NAALADL2: variants seen among roughly 807,000 people sequenced by gnomAD.
NAALADL2 encodes inactive N-acetylated-alpha-linked acidic dipeptidase-like protein 2.
Under a neutral mutation model 87.2 loss-of-function variants are expected in NAALADL2, and 76 were observed. The observed-to-expected ratio is 0.87, with a 90% confidence interval of 0.72 to 1.05. The LOEUF (loss-of-function observed/expected upper bound fraction) is 1.05. Ranked by LOEUF, NAALADL2 falls within the 50% of genes least tolerant of loss-of-function variation. The pLI is 0.00. For synonymous variants in NAALADL2, 354 were observed against 331.0 expected, an observed-to-expected ratio of 1.07 and a Z score of -0.75; for missense variants, 1,089 against 945.8, an observed-to-expected ratio of 1.15 and a Z score of -1.99.
At chr3:174,671,982 G>A (rs933713355) in intron 2 of NAALADL2, among the ~76,000 whole-genome samples, 1 of 151,948 alleles carries the variant, frequency 6.6e-6, no homozygotes, top group Non-Finnish European at 1.5e-5. Flanking sequence ...TGATGGCATT[G>A]TTTCAAGTTG....
chr3:174,809,294 C>T (rs1351937189), intron 3 of NAALADL2, among the ~76,000 whole-genome samples: 1 of 152,064 alleles, frequency 6.6e-6, no homozygotes, highest in African/African-American at 2.4e-5. Context: ...GTTGTTAGAA[C>T]GTAGCAGGAG....
At chr3:174,744,669 T>C (rs758683920) in intron 3 of NAALADL2, among the ~76,000 whole-genome samples, 49 of 151,960 alleles carry the variant, frequency 3.2e-4, no homozygotes, top group Non-Finnish European at 5.9e-4. Flanking sequence ...CCACATGGCA[T>C]GTTCTCTAAA....
chr3:175,597,649 G>A (rs1185567984), intron 10 of NAALADL2, among the ~76,000 whole-genome samples: 1 of 151,860 alleles, frequency 6.6e-6, no homozygotes. Flanking sequence ...CCTCTGCTTT[G>A]AAGGGTGTTT....
intron 2 of NAALADL2, among the ~76,000 whole-genome samples, chr3:174,642,681 GT>G (rs1240662600): frequency 6.7e-6 from 1 of 148,854 alleles, no homozygotes; most frequent in Non-Finnish European, 1.5e-5. Context: ...TTGGTTGCTT[GT>G]TTCAAGTAAA....
At chr3:175,160,331 A>T (rs1455672562) in intron 2 of NAALADL2, among the ~76,000 whole-genome samples, 4 of 147,904 alleles carry the variant, frequency 2.7e-5, no homozygotes, top group African/African-American at 9.8e-5. Context: ...AAATTTTAAA[A>T]ATATATATTA....
chr3:174,487,597 A>C lies in NAALADL2; in HGVS notation c.-184+46565A>C, dbSNP rs184226317. On this transcript the variant is annotated intron_variant, in intron 1 of 3. Coordinates refer to the NAALADL2 transcript ENST00000434257. ...GTTTTCATGGAAGAAGTGGCATTTG[A>C]TATGGATTGGATTTCAGCAGGTAGA... Among the ~76,000 whole-genome samples the C allele has an allele frequency of 3.7e-4, 57 of 152,132 alleles. 1 individual carries two copies. Among genetic ancestry groups the C allele is most frequent in the Non-Finnish European group, 6.6e-4 (45 of 67,962 alleles).
At chr3:175,395,448 A>G (rs999654013) in intron 5 of NAALADL2, among the ~76,000 whole-genome samples, 8 of 152,152 alleles carry the variant, frequency 5.3e-5, no homozygotes, top group African/African-American at 1.9e-4. Context: ...CATACTCTTG[A>G]GAAGGGCAGC....
chr3:174,715,547 G>A (rs981214048), intron 2 of NAALADL2, among the ~76,000 whole-genome samples: 5 of 152,034 alleles, frequency 3.3e-5, no homozygotes, highest in African/African-American at 1.2e-4. Context: ...TGGAGAATGG[G>A]TTTCCTCTTT....
At position 175,717,153 on chromosome 3, in the gene NAALADL2, T is replaced by G. The variant is rs150369654; in HGVS notation, c.1897-20153T>G. Among the ~76,000 whole-genome samples the G allele has an allele frequency of 2.6e-3, 396 of 152,136 alleles. 5 individuals carry two copies. The highest frequency in any genetic ancestry group is 0.017 in the Middle Eastern group (5 of 294). ...CAGAGAACAGCCTTAGAAAGACGAGTATCTTGGCCTCAAGTGATCCTCCTG... is the reference window on the plus strand; with the variant it reads ...CAGAGAACAGCCTTAGAAAGACGAGGATCTTGGCCTCAAGTGATCCTCCTG... On this transcript the variant is annotated intron_variant, in intron 11 of 13. Transcript: ENST00000454872.
At chr3:174,841,320 G>T (rs912962854) in intron 3 of NAALADL2, among the ~76,000 whole-genome samples, 1 of 152,116 alleles carries the variant, frequency 6.6e-6, no homozygotes, top group Non-Finnish European at 1.5e-5. Flanking sequence ...TAAGTGAAAA[G>T]AATAGAATGT....
Position 175,096,824 on chromosome 3 carries a change from T to G in NAALADL2, c.78T>G (p.Asp26Glu). The change falls in exon 2 of 14, where the codon GAT becomes GAG. Residue 26 changes from aspartate (D) to glutamate (E), a missense_variant. By Grantham distance (45) the Asp-to-Glu change is conservative (BLOSUM62 2). Transcript: ENST00000454872. ...KKMAYQKVHA[D>E]QRAPGHSQYL... Reference sequence around the variant, plus strand: ...TGGCCTATCAGAAGGTCCATGCAGATCAAAGAGCTCCAGGACACTCACAGT... The same window carrying G: ...TGGCCTATCAGAAGGTCCATGCAGAGCAAAGAGCTCCAGGACACTCACAGT... The G allele has an allele frequency of 6.2e-7, 1 of 1,600,528 alleles. No homozygotes were observed. Among genetic ancestry groups the G allele is most frequent in the Non-Finnish European group, 8.5e-7 (1 of 1,173,714 alleles).
At chr3:175,257,841 G>T (rs905959704) in intron 4 of NAALADL2, among the ~76,000 whole-genome samples, 2 of 151,872 alleles carry the variant, frequency 1.3e-5, no homozygotes, top group Non-Finnish European at 2.9e-5. Context: ...GCCTATGAAG[G>T]TAACATTATT....
At chr3:174,610,602 A>G (rs1285715633) in intron 2 of NAALADL2, among the ~76,000 whole-genome samples, 1 of 152,190 alleles carries the variant, frequency 6.6e-6, no homozygotes, top group African/African-American at 2.4e-5. Flanking sequence ...AATGCAAATC[A>G]AAACCACAAT....
chr3:174,499,788 T>G (rs1379375696), intron 1 of NAALADL2, among the ~76,000 whole-genome samples: 1 of 152,132 alleles, frequency 6.6e-6, no homozygotes, highest in Non-Finnish European at 1.5e-5. Context: ...TCTATTTGGC[T>G]ATCTCTAAGC....
At chr3:175,205,230 C>G (rs1489052585) in intron 2 of NAALADL2, among the ~76,000 whole-genome samples, 3 of 152,148 alleles carry the variant, frequency 2.0e-5, no homozygotes, top group Admixed American at 1.3e-4. Flanking sequence ...TTCACCAAAA[C>G]AGCATGGTAC....
intron 3 of NAALADL2, among the ~76,000 whole-genome samples, chr3:174,777,620 A>G (rs1043053567): frequency 1.3e-5 from 2 of 152,140 alleles, no homozygotes; most frequent in Admixed American, 1.3e-4. Context: ...GAATAATGCT[A>G]CATATCTGCA....
At chr3:175,307,408 A>G (rs1015765046) in intron 4 of NAALADL2, among the ~76,000 whole-genome samples, 11 of 152,172 alleles carry the variant, frequency 7.2e-5, no homozygotes, top group African/African-American at 2.4e-4. Context: ...GGGCAGTCCT[A>G]GTAAGTATAC....
chr3:174,673,903 A>G (rs1726799861), intron 2 of NAALADL2, among the ~76,000 whole-genome samples: 2 of 151,784 alleles, frequency 1.3e-5, no homozygotes, highest in Admixed American at 6.6e-5. Context: ...GTATCAAAAT[A>G]TCACATGTAC....
At chr3:174,658,490 A>T (rs1433604708) in intron 2 of NAALADL2, among the ~76,000 whole-genome samples, 1 of 151,908 alleles carries the variant, frequency 6.6e-6, no homozygotes, top group South Asian at 2.1e-4. Flanking sequence ...GTTTTTAGAA[A>T]TTTTTTTGTA....
Sources: allele counts gnomAD v4.1 joint callset (sites outside exome capture counted in the v4.1 genomes callset), GRCh38; gene constraint gnomAD v4.1.1; transcripts MANE v1.5; gene names NCBI Gene and HGNC (gene_info 2026-07-23, HGNC 2026-07-21).